The following DENND2A variants were observed in gnomAD, a reference collection of about 807,000 sequenced individuals.
DENND2A encodes the protein DENN domain-containing protein 2A.
A neutral mutation model predicts 105.3 loss-of-function variants in DENND2A; 53 were observed. The ratio of observed to expected loss-of-function variants is 0.50; its 90% confidence interval spans 0.40 to 0.63. The LOEUF (loss-of-function observed/expected upper bound fraction) is 0.63. DENND2A is among the 30% of genes least tolerant of loss of function. DENND2A has a pLI of 0.00. For missense variants in DENND2A, 1,138 were observed against 1,279.6 expected, an observed-to-expected ratio of 0.89 and a Z score of 1.69; for synonymous variants, 522 against 508.4, an observed-to-expected ratio of 1.03 and a Z score of -0.36.
chr7:140,591,654 CCTTT>C lies in DENND2A; in HGVS notation c.996-3878_996-3875del, dbSNP rs201214317. Among the ~76,000 whole-genome samples, 448 of 148,952 alleles carry C rather than the reference CCTTT, an allele frequency of 3.0e-3. 1 individual carries two copies. The highest frequency in any genetic ancestry group is 4.5e-3 in the Non-Finnish European group (304 of 67,776). On this transcript the variant is annotated intron_variant, in intron 3 of 19. Coordinates refer to ENST00000496613, the MANE Select transcript of DENND2A (RefSeq NM_015689.5). ...GTTCTTTATTTTCCCTCCCTTCCTT[CCTTT>C]CTTTCTTTCTTTCTCTTTCTTTCTT...
chr7:140,599,668 G>A (rs903629934), intron 3 of DENND2A, among the ~76,000 whole-genome samples: 4 of 151,200 alleles, frequency 2.6e-5, no homozygotes, highest in African/African-American at 9.7e-5. Context: ...TTGTAAACTG[G>A]GAATAACTTA....
chr7:140,623,064 G>A (rs998788566), intron 1 of DENND2A, among the ~76,000 whole-genome samples: 2 of 152,044 alleles, frequency 1.3e-5, no homozygotes, highest in African/African-American at 4.8e-5. Flanking sequence ...GCTGGGTGTG[G>A]TGGCTCACGC....
intron 1 of DENND2A, among the ~76,000 whole-genome samples, chr7:140,617,570 T>C (rs969358137): frequency 1.3e-5 from 2 of 152,060 alleles, no homozygotes; most frequent in Admixed American, 6.6e-5. Flanking sequence ...AAACATTATC[T>C]GGGTGTCGTC....
At chr7:140,545,068 G>T (rs2130524033) in intron 13 of DENND2A, among the ~76,000 whole-genome samples, 1 of 152,224 alleles carries the variant, frequency 6.6e-6, no homozygotes, top group Non-Finnish European at 1.5e-5. Flanking sequence ...GCCCCACATG[G>T]TTGCGGGGCT....
At chr7:140,615,841 C>A (rs1314496081) in intron 1 of DENND2A, among the ~76,000 whole-genome samples, 1 of 152,004 alleles carries the variant, frequency 6.6e-6, no homozygotes. Flanking sequence ...GTGTGAGTCA[C>A]TGAACCCAGG....
chr7:140,611,095 G>C (rs1799880986), intron 1 of DENND2A, among the ~76,000 whole-genome samples: 1 of 152,128 alleles, frequency 6.6e-6, no homozygotes, highest in African/African-American at 2.4e-5. Flanking sequence ...GCCCAGGCTG[G>C]AGTGCAATGG....
chr7:140,555,911 A>G (rs1358649458), intron 11 of DENND2A, among the ~76,000 whole-genome samples, 198 bp from the exon 12 acceptor site: 1 of 152,164 alleles, frequency 6.6e-6, no homozygotes, highest in African/African-American at 2.4e-5. Flanking sequence ...CTATATGTTT[A>G]TTATAATGAT....
intron 1 of DENND2A, among the ~76,000 whole-genome samples, chr7:140,622,134 A>G (rs1479535279): frequency 1.3e-5 from 2 of 152,170 alleles, no homozygotes; most frequent in Non-Finnish European, 2.9e-5. Context: ...GTGGTGGCTC[A>G]TGCCTGTGAT....
chr7:140,542,118 C>T lies in DENND2A; in HGVS notation c.2327+2500G>A, dbSNP rs116462089. Among the ~76,000 whole-genome samples, 935 of 152,272 alleles carry T rather than the reference C, an allele frequency of 6.1e-3. 11 individuals are homozygous for T. Among genetic ancestry groups the T allele is most frequent in the African/African-American group, 0.02 (816 of 41,546 alleles). ...CTCAGGTGGCCTCATCTGCACCACC[C>T]GGTTGGCTGGCCCCGCATCTCAGCC... On this transcript the variant is annotated intron_variant, in intron 14 of 19. Transcript: ENST00000496613.
intron 1 of DENND2A, among the ~76,000 whole-genome samples, chr7:140,620,534 A>G (rs1206540959): frequency 6.6e-6 from 1 of 152,078 alleles, no homozygotes; most frequent in Non-Finnish European, 1.5e-5. Context: ...CAAATTTTCT[A>G]TTATAAGCAT....
intron 1 of DENND2A, among the ~76,000 whole-genome samples, chr7:140,618,532 A>G (rs2130715756): frequency 6.6e-6 from 1 of 152,344 alleles, no homozygotes; most frequent in Non-Finnish European, 1.5e-5. Context: ...AAGCTCATAC[A>G]ATAACTCACA....
intron 3 of DENND2A, among the ~76,000 whole-genome samples, chr7:140,591,783 CTTTCT>C (rs959518930): frequency 3.4e-5 from 5 of 147,426 alleles, no homozygotes; most frequent in Admixed American, 6.9e-5. Flanking sequence ...TCCTTCCTTT[CTTTCT>C]TTTCTTTTCT....
chr7:140,628,785 G>A (rs1435439335), intron 1 of DENND2A, among the ~76,000 whole-genome samples: 4 of 151,706 alleles, frequency 2.6e-5, no homozygotes, highest in African/African-American at 9.7e-5. Context: ...CAAATGATCC[G>A]CCTGCCTCGG....
At chr7:140,574,913 G>A (rs372326667) in intron 5 of DENND2A, among the ~76,000 whole-genome samples, 7 of 152,124 alleles carry the variant, frequency 4.6e-5, no homozygotes, top group South Asian at 2.1e-4. Flanking sequence ...CCAGCTACTC[G>A]GGAGGCTGAG....
At chr7:140,529,955 A>AC (rs1554459925) in intron 14 of DENND2A, among the ~76,000 whole-genome samples, 4 of 152,052 alleles carry the variant, frequency 2.6e-5, no homozygotes, top group African/African-American at 7.2e-5. Context: ...AAACAAAACA[A>AC]AACAACAACA....
intron 1 of DENND2A, among the ~76,000 whole-genome samples, chr7:140,626,099 T>C (rs1252990747): frequency 6.6e-6 from 1 of 152,234 alleles, no homozygotes; most frequent in African/African-American, 2.4e-5. Flanking sequence ...CGTCAGGGTG[T>C]CTGACTCCAG....
chr7:140,571,902 C>T (rs1798107267), intron 6 of DENND2A, among the ~76,000 whole-genome samples: 1 of 152,152 alleles, frequency 6.6e-6, no homozygotes, highest in Non-Finnish European at 1.5e-5. Context: ...CATAACCTCT[C>T]CTAGTGCTGC....
intron 9 of DENND2A, among the ~76,000 whole-genome samples, chr7:140,565,938 T>C (rs2109925): frequency 0.49 from 74,570 of 152,026 alleles, 19,786 homozygotes; most frequent in African/African-American, 0.69. Context: ...ATGGCAACAT[T>C]AGGAAATTAT....
intron 15 of DENND2A, among the ~76,000 whole-genome samples, chr7:140,526,152 C>CTA (rs1370699042): frequency 6.6e-5 from 10 of 152,186 alleles, no homozygotes; most frequent in Non-Finnish European, 1.3e-4. Context: ...GGCTCCCACC[C>CTA]TAGGGCCCCT....
Sources: gnomAD v4.1 joint callset for allele counts (sites outside exome capture counted in the v4.1 genomes callset) on GRCh38, gnomAD v4.1.1 for gene constraint, MANE v1.5 for transcripts, NCBI Gene and HGNC (gene_info 2026-07-23, HGNC 2026-07-21) for gene names.